Variants in DARS1 observed in about 807,000 individuals in gnomAD.
DARS1 encodes the protein aspartate--tRNA ligase, cytoplasmic.
In DARS1, 51 loss-of-function variants were observed where a neutral mutation model predicts 68.8. The ratio of observed to expected loss-of-function variants is 0.74; its 90% CI spans 0.59 to 0.94. The LOEUF (loss-of-function observed/expected upper bound fraction) is 0.94, where lower values mean the gene tolerates loss of function less well. DARS1 is among the 40% of genes least tolerant of loss of function. DARS1 has a pLI of 0.00. For synonymous variants in DARS1, 203 were observed against 190.4 expected, an observed-to-expected ratio of 1.07 and a Z score of -0.55; for missense variants, 607 against 597.3, an observed-to-expected ratio of 1.02 and a Z score of -0.17.
intron 13 of DARS1, among the ~76,000 whole-genome samples, 164 bp downstream of exon 13, chr2:135,912,322 A>G (rs1398017643): frequency 6.6e-6 from 1 of 152,230 alleles, no homozygotes; most frequent in Non-Finnish European, 1.5e-5. Flanking sequence ...TTCAAATTTT[A>G]CAATATCATT....
At chr2:135,956,251 T>C (rs754123615) in intron 4 of DARS1, among the ~76,000 whole-genome samples, 1 of 152,172 alleles carries the variant, frequency 6.6e-6, no homozygotes, top group Non-Finnish European at 1.5e-5. Flanking sequence ...GATCTGAGTA[T>C]AGAACTAGGC....
At chr2:135,909,216 C>T (rs970277312) in intron 15 of DARS1, among the ~76,000 whole-genome samples, 4 of 152,138 alleles carry the variant, frequency 2.6e-5, no homozygotes, top group Admixed American at 2.6e-4. Flanking sequence ...ACAGATGCAG[C>T]AAGCCCCCAT....
At chr2:135,911,726 C>T in intron 13 of DARS1, 1 of 377,002 alleles carries the variant, frequency 2.7e-6, no homozygotes, top group Non-Finnish European at 4.7e-6. Context: ...CAGAGCATCA[C>T]ATCTAATTTT....
intron 3 of DARS1, among the ~76,000 whole-genome samples, chr2:135,962,007 T>C (rs1466696046): frequency 1.3e-5 from 2 of 152,228 alleles, no homozygotes; most frequent in Non-Finnish European, 2.9e-5. Flanking sequence ...AAGTACATTT[T>C]AAAGAGCATT....
intron 4 of DARS1, among the ~76,000 whole-genome samples, chr2:135,944,697 A>G (rs1332827482): frequency 6.6e-6 from 1 of 152,186 alleles, no homozygotes; most frequent in African/African-American, 2.4e-5. Context: ...TTATTATGGC[A>G]AAAGAAGTAG....
chr2:135,931,485 A>C (rs990781956), intron 7 of DARS1, among the ~76,000 whole-genome samples: 4 of 152,090 alleles, frequency 2.6e-5, no homozygotes, highest in African/African-American at 9.7e-5. Context: ...CATTCTTCCC[A>C]CCTCAGGCTC....
rs535609596 is a variant in DARS1 at position 135,956,473 on chromosome 2, G to C, written c.320+4923C>G. Among the ~76,000 whole-genome samples the C allele has an allele frequency of 5.4e-4, 83 of 152,320 alleles. 1 individual carries two copies. In the South Asian group the frequency reaches 6.0e-3, roughly 11 times the overall value. ...AGAAGGAACCCAATTAGCTATGGCGGGTGATCAGATACTGAGGGGGGATGA... is the reference window on the plus strand; with the variant it reads ...AGAAGGAACCCAATTAGCTATGGCGCGTGATCAGATACTGAGGGGGGATGA... On this transcript the variant is annotated intron_variant, in intron 4 of 15. Coordinates refer to ENST00000264161, the MANE Select transcript of DARS1 (RefSeq NM_001349.4).
At chr2:135,924,898 A>T (rs901755739) in intron 7 of DARS1, among the ~76,000 whole-genome samples, 1 of 152,216 alleles carries the variant, frequency 6.6e-6, no homozygotes, top group African/African-American at 2.4e-5. Flanking sequence ...TTGGTATTTG[A>T]CAATAAATGA....
chr2:135,907,511 T>C (rs1009863395), intron 15 of DARS1, 104 bp from the exon 16 acceptor site: 5 of 714,780 alleles, frequency 7.0e-6, no homozygotes, highest in Admixed American at 6.5e-5. Flanking sequence ...TACTTTTCCT[T>C]GTTAGGAAAG....
At chr2:135,931,751 A>G (rs1681352983) in intron 7 of DARS1, among the ~76,000 whole-genome samples, 1 of 152,180 alleles carries the variant, frequency 6.6e-6, no homozygotes, top group Admixed American at 6.5e-5. Flanking sequence ...CCTATCTAGC[A>G]TGCTAGCTCA....
rs991815297 is a variant in DARS1 at position 135,907,108 on chromosome 2, C to T, written c.*208G>A. The T allele has an allele frequency of 2.0e-5, 7 of 342,438 alleles. No homozygotes were observed. Among genetic ancestry groups the T allele is most frequent in the Non-Finnish European group, 3.7e-5 (7 of 188,380 alleles). 21.2% of individuals were successfully genotyped at this position (342,438 alleles called of 1,614,324 possible). ...TGAAGTTATAAAAATCTCTTTTAAA[C>T]GAACCTATACTGAATTACTCCAAAA... On this transcript the variant is annotated 3_prime_UTR_variant, in exon 16 of 16. Transcript: ENST00000264161.
At chr2:135,984,000 C>T (rs896983980) in intron 1 of DARS1, among the ~76,000 whole-genome samples, 57 of 152,282 alleles carry the variant, frequency 3.7e-4, no homozygotes, top group African/African-American at 1.3e-3. Context: ...TCACCAGCTT[C>T]CTGTTTCTAA....
At chr2:135,970,820 C>G (rs900865159) in intron 3 of DARS1, among the ~76,000 whole-genome samples, 7 of 151,986 alleles carry the variant, frequency 4.6e-5, no homozygotes, top group African/African-American at 1.7e-4. Flanking sequence ...CTACTATAAG[C>G]AATATATGCC....
intron 3 of DARS1, among the ~76,000 whole-genome samples, chr2:135,972,968 T>G (rs905619046): frequency 2.6e-5 from 4 of 152,228 alleles, no homozygotes; most frequent in African/African-American, 9.6e-5. Flanking sequence ...GGTACACTGC[T>G]GGTGGGAATG....
At chr2:135,924,331 ACT>A (rs1166343986) in intron 8 of DARS1, 54 bp downstream of exon 8, 2 of 1,503,310 alleles carry the variant, frequency 1.3e-6, no homozygotes, top group Admixed American at 2.6e-5. Context: ...ATATAAAGCA[ACT>A]CTGGGGAGAG....
At chr2:135,939,490 T>C (rs1368923914) in intron 5 of DARS1, among the ~76,000 whole-genome samples, 14 of 152,178 alleles carry the variant, frequency 9.2e-5, no homozygotes. Flanking sequence ...TACCAGAATC[T>C]CTGGGACACA....
chr2:135,917,667 T>C (rs1380905129), intron 10 of DARS1, among the ~76,000 whole-genome samples: 3 of 151,978 alleles, frequency 2.0e-5, no homozygotes, highest in Admixed American at 1.3e-4. Flanking sequence ...TTTGCAGAGA[T>C]GGGATTTCAC....
At chr2:135,985,263 A>G (rs1305600489) in intron 1 of DARS1, 140 bp downstream of exon 1, 1 of 1,368,278 alleles carries the variant, frequency 7.3e-7, no homozygotes, top group Non-Finnish European at 9.6e-7. Context: ...CAAGGGCTCT[A>G]GGCGCCCGGA....
chr2:135,943,230 G>C, intron 5 of DARS1, 148 bp downstream of exon 5: 1 of 1,163,710 alleles, frequency 8.6e-7, no homozygotes, highest in South Asian at 1.7e-5. Context: ...GGGGTGATTT[G>C]TTATATAACA....
Sources: allele counts gnomAD v4.1 joint callset (sites outside exome capture counted in the v4.1 genomes callset), GRCh38; gene constraint gnomAD v4.1.1; transcripts MANE v1.5; gene names NCBI Gene and HGNC (gene_info 2026-07-23, HGNC 2026-07-21).